FGF14: variants seen among roughly 807,000 people sequenced by gnomAD.
FGF14 encodes fibroblast growth factor homologous factor 4.
FGF14 carries 5 observed loss-of-function variants against 25.5 expected under a neutral mutation model. The observed-to-expected ratio is 0.20, with a 90% CI of 0.10 to 0.41. FGF14 has a LOEUF of 0.41. FGF14 is among the 10% of genes least tolerant of loss of function. The probability of loss-of-function intolerance (pLI) is 1.00; values close to 1 mark genes in which losing one functional copy is unlikely to be tolerated. For synonymous variants in FGF14, 138 were observed against 118.3 expected (o/e 1.17, Z -1.08); for missense variants, 222 against 320.1 (o/e 0.69, Z 2.34).
chr13:101,851,330 A>T (rs2140364096), intron 3 of FGF14, among the ~76,000 whole-genome samples: 1 of 152,066 alleles, frequency 6.6e-6, no homozygotes, highest in African/African-American at 2.4e-5. Flanking sequence ...TCAGCATGGG[A>T]GAAGTATGGG....
At chr13:102,177,344 T>A (rs1342353853) in intron 1 of FGF14, among the ~76,000 whole-genome samples, 1 of 152,150 alleles carries the variant, frequency 6.6e-6, no homozygotes, top group Non-Finnish European at 1.5e-5. Flanking sequence ...CAAGCTAAAT[T>A]CAAAGACAGT....
chr13:102,255,945 G>A (rs1331643448), intron 1 of FGF14, among the ~76,000 whole-genome samples: 1 of 152,148 alleles, frequency 6.6e-6, no homozygotes, highest in Admixed American at 6.5e-5. Context: ...GCTTGATGGT[G>A]GGACTGGTTC....
intron 3 of FGF14, among the ~76,000 whole-genome samples, chr13:101,760,428 C>A (rs2037944301): frequency 6.6e-6 from 1 of 152,162 alleles, no homozygotes; most frequent in Non-Finnish European, 1.5e-5. Context: ...TTTTCAGAGT[C>A]ACAAAGACTG....
intron 1 of FGF14, among the ~76,000 whole-genome samples, chr13:101,891,207 C>T (rs1169704652): frequency 6.6e-6 from 1 of 152,042 alleles, no homozygotes; most frequent in Non-Finnish European, 1.5e-5. Flanking sequence ...TTGCTTTGTA[C>T]CTCTTCTTCT....
intron 1 of FGF14, among the ~76,000 whole-genome samples, chr13:102,381,662 TTA>T (rs1380999622): frequency 6.6e-6 from 1 of 152,242 alleles, no homozygotes; most frequent in East Asian, 1.9e-4. Flanking sequence ...TTGAAAGTGC[TTA>T]TATGTTTCAC....
chr13:101,894,515 C>T (rs545374219), intron 1 of FGF14, among the ~76,000 whole-genome samples: 2 of 152,232 alleles, frequency 1.3e-5, no homozygotes, highest in Admixed American at 1.3e-4. Flanking sequence ...AAAGTCCTGC[C>T]CCACACCCAG....
chr13:102,163,058 T>C (rs555205913), intron 1 of FGF14, among the ~76,000 whole-genome samples: 2 of 152,298 alleles, frequency 1.3e-5, no homozygotes, highest in African/African-American at 4.8e-5. Context: ...GAGGGATTCA[T>C]ACGTTTCCTC....
intron 1 of FGF14, among the ~76,000 whole-genome samples, chr13:102,250,328 A>C (rs1254634607): frequency 1.3e-5 from 2 of 152,222 alleles, no homozygotes; most frequent in Non-Finnish European, 2.9e-5. Flanking sequence ...GAGAAGTCCA[A>C]GGTTAATGCA....
intron 1 of FGF14, among the ~76,000 whole-genome samples, chr13:102,191,073 G>A (rs2049101898): frequency 6.6e-6 from 1 of 152,146 alleles, no homozygotes; most frequent in African/African-American, 2.4e-5. Context: ...ATTTGATCTG[G>A]CTGGTAGTTT....
intron 1 of FGF14, among the ~76,000 whole-genome samples, chr13:102,317,977 G>A (rs2138733488): frequency 6.6e-6 from 1 of 152,296 alleles, no homozygotes; most frequent in South Asian, 2.1e-4. Context: ...CAAGACCATA[G>A]ACATCGGCCC....
intron 3 of FGF14, among the ~76,000 whole-genome samples, chr13:101,767,566 T>A (rs1042537341): frequency 6.6e-6 from 1 of 152,156 alleles, no homozygotes; most frequent in Non-Finnish European, 1.5e-5. Flanking sequence ...TGTAAACCCA[T>A]GCAATATTTT....
rs182371253 is a variant in FGF14 at position 101,713,560 on chromosome 13, C to A, written c.*9271G>T. On this transcript the variant is annotated 3_prime_UTR_variant, in exon 5 of 5. Transcript: ENST00000376143. ...ATTTGTTTCTTTTTCATTGTAAAGT[C>A]TTTCCTGCTGTCGTTGAGGCAGTTT... 6.6e-6 allele frequency: 1 copy of A among 152,266 alleles called. No individual in the cohort carries two copies. The allele number at this position is 152,266 out of a possible 1,614,324, so 9.4% of individuals were successfully genotyped here.
chr13:102,359,062 G>A (rs561249551), intron 1 of FGF14, among the ~76,000 whole-genome samples: 7 of 152,166 alleles, frequency 4.6e-5, no homozygotes, highest in East Asian at 1.9e-4. Flanking sequence ...GCAAACTAAC[G>A]CAGAAACAGA....
chr13:102,344,266 G>A (rs997175013), intron 1 of FGF14, among the ~76,000 whole-genome samples: 1 of 152,102 alleles, frequency 6.6e-6, no homozygotes, highest in Non-Finnish European at 1.5e-5. Flanking sequence ...AAAATGCTAC[G>A]ATTTCTGGTA....
chr13:102,348,080 C>T (rs1310275166), intron 1 of FGF14, among the ~76,000 whole-genome samples: 2 of 150,800 alleles, frequency 1.3e-5, no homozygotes, highest in South Asian at 2.1e-4. Context: ...CGCAGATAAG[C>T]TTTGATGTGG....
intron 1 of FGF14, among the ~76,000 whole-genome samples, chr13:102,278,513 G>C (rs928766801): frequency 1.3e-5 from 2 of 152,108 alleles, no homozygotes; most frequent in African/African-American, 4.8e-5. Flanking sequence ...GGTTCAAAAT[G>C]CATCATTCCT....
chr13:101,719,113 T>A lies in FGF14; in HGVS notation c.*3718A>T, dbSNP rs140681396. On this transcript the variant is annotated 3_prime_UTR_variant, in exon 5 of 5. Coordinates refer to ENST00000376143, the MANE Select transcript of FGF14 (RefSeq NM_004115.4). ...AGTCAATGTGGTCTCTTTTTGAATA[T>A]GTATCAAATATTAATGATCCATAAT... 6.6e-6 allele frequency: 1 copy of A among 152,158 alleles called. No homozygotes were observed. Among genetic ancestry groups the A allele is most frequent in the East Asian group, 1.9e-4 (1 of 5,188 alleles). The allele number at this position is 152,158 out of a possible 1,614,324, so 9.4% of individuals were successfully genotyped here.
In FGF14 at chr13:102,253,178, T is replaced by C. The variant is rs145601707; in HGVS notation, c.208+148293A>G. Among the ~76,000 whole-genome samples, 323 of 152,318 alleles carry C rather than the reference T, an allele frequency of 2.1e-3. 1 individual carries two copies. Among genetic ancestry groups the C allele is most frequent in the African/African-American group, 7.3e-3 (304 of 41,574 alleles). ...AGAATGACTTATAATCCTTTGGGTA[T>C]ATACGCAGTAATGGGATTGCTGGAT... On this transcript the variant is annotated intron_variant, in intron 1 of 4. Coordinates refer to the FGF14 transcript ENST00000376131.
intron 1 of FGF14, among the ~76,000 whole-genome samples, chr13:101,888,284 A>T (rs918308465): frequency 6.6e-6 from 1 of 152,186 alleles, no homozygotes; most frequent in Admixed American, 6.6e-5. Flanking sequence ...GCGGTAACCT[A>T]TTCTTCACTC....
Sources: allele counts gnomAD v4.1 joint callset (sites outside exome capture counted in the v4.1 genomes callset), GRCh38; gene constraint gnomAD v4.1.1; transcripts MANE v1.5; gene names NCBI Gene and HGNC (gene_info 2026-07-23, HGNC 2026-07-21).